Variants in PXDNL observed in about 807,000 individuals in gnomAD.
PXDNL encodes the protein peroxidasin like.
A neutral mutation model predicts 150.8 loss-of-function variants in PXDNL; 145 were observed. The ratio of observed to expected loss-of-function variants is 0.96; its 90% CI spans 0.84 to 1.10. The LOEUF is 1.10. Ranked by LOEUF, PXDNL falls within the 50% of genes least tolerant of loss-of-function variation. The pLI, the probability that PXDNL is intolerant of heterozygous loss-of-function variation, is 0.00. For missense variants in PXDNL, 2,087 were observed against 1,873.9 expected (o/e 1.11, Z -2.10); for synonymous variants, 757 against 725.7 (o/e 1.04, Z -0.69).
chr8:51,536,477 A>C lies in PXDNL; in HGVS notation c.380+20363T>G, dbSNP rs530337557. Among the ~76,000 whole-genome samples, 108 of 152,344 alleles carry C rather than the reference A, an allele frequency of 7.1e-4. 2 individuals are homozygous for C. The South Asian group carries it at 0.017, about 23-fold the overall frequency. On this transcript the variant is annotated intron_variant, in intron 4 of 22. Coordinates refer to ENST00000356297, the MANE Select transcript of PXDNL (RefSeq NM_144651.5). Reference sequence around the variant, plus strand: ...GTAAGAAAAACTTGAGCCTAGGCTGAAATGAAAAAGGTAATGAAGGCGTGG... The same window carrying C: ...GTAAGAAAAACTTGAGCCTAGGCTGCAATGAAAAAGGTAATGAAGGCGTGG...
intron 1 of PXDNL, among the ~76,000 whole-genome samples, chr8:51,736,818 T>C (rs1211199934): frequency 6.6e-6 from 1 of 152,238 alleles, no homozygotes; most frequent in African/African-American, 2.4e-5. Context: ...GAAATCTTAA[T>C]TTTAATGAAA....
intron 1 of PXDNL, among the ~76,000 whole-genome samples, chr8:51,678,161 G>A (rs528513476): frequency 6.6e-6 from 1 of 152,306 alleles, no homozygotes; most frequent in East Asian, 1.9e-4. Context: ...CGCAGCTCTG[G>A]CACTCCTCAG....
intron 19 of PXDNL, among the ~76,000 whole-genome samples, chr8:51,368,502 T>C (rs1442529625): frequency 1.3e-5 from 2 of 152,090 alleles, no homozygotes; most frequent in Non-Finnish European, 2.9e-5. Flanking sequence ...ACCAGTAAGC[T>C]ATTATTCGTG....
chr8:51,558,307 C>T (rs1812638386), intron 3 of PXDNL, among the ~76,000 whole-genome samples: 1 of 152,062 alleles, frequency 6.6e-6, no homozygotes, highest in African/African-American at 2.4e-5. Flanking sequence ...CATAGCTCCA[C>T]AGGAGATAAT....
chr8:51,531,212 C>T (rs7816752), intron 4 of PXDNL, among the ~76,000 whole-genome samples: 4,652 of 152,278 alleles, frequency 0.031, 227 homozygotes, highest in African/African-American at 0.11. Context: ...TACCAAATTG[C>T]TTAACCAAGG....
intron 3 of PXDNL, among the ~76,000 whole-genome samples, chr8:51,558,981 G>T (rs1272448025): frequency 6.6e-6 from 1 of 151,902 alleles, no homozygotes; most frequent in Non-Finnish European, 1.5e-5. Context: ...GTTTTTAATG[G>T]ATTAGTAGAG....
chr8:51,405,704 T>C (rs146933117), intron 17 of PXDNL, among the ~76,000 whole-genome samples: 61 of 152,330 alleles, frequency 4.0e-4, no homozygotes, highest in African/African-American at 1.4e-3. Context: ...TGAGTATATG[T>C]TTCATATTTT....
intron 1 of PXDNL, among the ~76,000 whole-genome samples, chr8:51,686,066 C>T (rs1815865577): frequency 6.6e-6 from 1 of 152,214 alleles, no homozygotes; most frequent in African/African-American, 2.4e-5. Flanking sequence ...GATTAACATC[C>T]TCTGCCACTA....
At chr8:51,502,269 G>A (rs1378543989) in intron 4 of PXDNL, among the ~76,000 whole-genome samples, 5 of 152,176 alleles carry the variant, frequency 3.3e-5, no homozygotes, top group African/African-American at 4.8e-5. Context: ...GGGGGCGGCC[G>A]TGCACAGGCT....
chr8:51,742,937 T>C (rs556207323), intron 1 of PXDNL, among the ~76,000 whole-genome samples: 196 of 152,306 alleles, frequency 1.3e-3, no homozygotes, highest in African/African-American at 4.3e-3. Flanking sequence ...GTTGGTGATC[T>C]ATAATTTAAT....
At chr8:51,351,098 TTTC>T (rs570210891) in intron 19 of PXDNL, among the ~76,000 whole-genome samples, 1 of 152,238 alleles carries the variant, frequency 6.6e-6, no homozygotes, top group Non-Finnish European at 1.5e-5. Context: ...GGTATTTCAC[TTTC>T]TTATTACAAT....
intron 5 of PXDNL, among the ~76,000 whole-genome samples, chr8:51,492,359 C>A (rs2130236338): frequency 1.3e-5 from 2 of 152,092 alleles, no homozygotes; most frequent in East Asian, 3.9e-4. Context: ...GCATGAGCGA[C>A]ACAGAAGACA....
At chr8:51,602,967 GTAGT>G (rs1260376180) in intron 2 of PXDNL, among the ~76,000 whole-genome samples, 1 of 150,776 alleles carries the variant, frequency 6.6e-6, no homozygotes, top group Non-Finnish European at 1.5e-5. Flanking sequence ...CTTAAGCTTT[GTAGT>G]TTCATTTTAA....
chr8:51,701,917 C>T (rs1816266298), intron 1 of PXDNL, among the ~76,000 whole-genome samples: 1 of 152,074 alleles, frequency 6.6e-6, no homozygotes, highest in African/African-American at 2.4e-5. Context: ...TGAAATTCAC[C>T]CAAGTGAATT....
At chr8:51,570,935 T>C (rs949769795) in intron 3 of PXDNL, among the ~76,000 whole-genome samples, 1 of 151,846 alleles carries the variant, frequency 6.6e-6, no homozygotes, top group African/African-American at 2.4e-5. Context: ...GTCATTTCTA[T>C]TCTCACTATA....
chr8:51,549,575 G>A (rs1004672601), intron 4 of PXDNL, among the ~76,000 whole-genome samples: 3 of 152,062 alleles, frequency 2.0e-5, no homozygotes, highest in African/African-American at 4.8e-5. Flanking sequence ...ATCTGCCCCT[G>A]AATGATCTTT....
chr8:51,535,209 G>A (rs1812040938), intron 4 of PXDNL, among the ~76,000 whole-genome samples: 1 of 137,876 alleles, frequency 7.3e-6, no homozygotes, highest in Non-Finnish European at 1.5e-5. Context: ...GACCCCGTCT[G>A]GGAGGTGTGC....
At chr8:51,621,318 G>T (rs1441520778) in intron 2 of PXDNL, among the ~76,000 whole-genome samples, 1 of 152,084 alleles carries the variant, frequency 6.6e-6, no homozygotes. Flanking sequence ...GATAACAACA[G>T]TTGGTATTCT....
chr8:51,776,465 C>G (rs13249855), intron 1 of PXDNL, among the ~76,000 whole-genome samples: 77,036 of 151,846 alleles, frequency 0.51, 23,703 homozygotes, highest in Non-Finnish European at 0.68. Context: ...CTCAGGCCAG[C>G]CGACACTTAG....
Sources: allele counts gnomAD v4.1 joint callset (sites outside exome capture counted in the v4.1 genomes callset), GRCh38; gene constraint gnomAD v4.1.1; transcripts MANE v1.5; gene names NCBI Gene and HGNC (gene_info 2026-07-23, HGNC 2026-07-21).